The following LOC128125817 variants were observed in gnomAD, a reference collection of about 807,000 sequenced individuals.
the LOC128125817 span, among the ~76,000 whole-genome samples, chr1:41,612,928 C>T: frequency 6.6e-6 from 1 of 152,222 alleles, no homozygotes; most frequent in African/African-American, 2.4e-5. Flanking sequence ...TTCTTGTTTG[C>T]CACACAGAAA....
At chr1:41,592,705 G>A in the LOC128125817 span, among the ~76,000 whole-genome samples, 1 of 152,206 alleles carries the variant, frequency 6.6e-6, no homozygotes, top group Non-Finnish European at 1.5e-5. Flanking sequence ...TATAGTTGCT[G>A]ACACCAGGCA....
the LOC128125817 span, among the ~76,000 whole-genome samples, chr1:41,620,604 C>T: frequency 2.0e-4 from 31 of 152,172 alleles, no homozygotes; most frequent in Admixed American, 1.4e-3. Flanking sequence ...CACAGCTGCA[C>T]ACATCACCTG....
the LOC128125817 span, among the ~76,000 whole-genome samples, chr1:41,591,994 C>T: frequency 3.3e-5 from 5 of 152,142 alleles, no homozygotes; most frequent in South Asian, 2.1e-4. Context: ...TGCTGCCTGA[C>T]GCTGACTTGA....
the LOC128125817 span, among the ~76,000 whole-genome samples, chr1:41,588,612 T>C: frequency 6.6e-6 from 1 of 152,064 alleles, no homozygotes; most frequent in Non-Finnish European, 1.5e-5. Context: ...CCAGGGTCAG[T>C]GTCCAGCCTG....
the LOC128125817 span, among the ~76,000 whole-genome samples, chr1:41,614,942 A>G: frequency 6.6e-6 from 1 of 152,090 alleles, no homozygotes; most frequent in African/African-American, 2.4e-5. Flanking sequence ...CATCCTCCCA[A>G]TACTTCCGGG....
At chr1:41,623,461 T>G in the LOC128125817 span, among the ~76,000 whole-genome samples, 8 of 152,200 alleles carry the variant, frequency 5.3e-5, no homozygotes, top group Admixed American at 5.2e-4. Flanking sequence ...AATGAGGTCA[T>G]CCTTTTAAAA....
chr1:41,604,565 G>A, the LOC128125817 span, among the ~76,000 whole-genome samples: 1 of 152,160 alleles, frequency 6.6e-6, no homozygotes, highest in Non-Finnish European at 1.5e-5. Context: ...GCTTGCTGAG[G>A]AGACTTCATC....
chr1:41,596,496 T>C, the LOC128125817 span, among the ~76,000 whole-genome samples: 3 of 152,162 alleles, frequency 2.0e-5, no homozygotes, highest in African/African-American at 7.2e-5. Flanking sequence ...GCTTAACCAG[T>C]TCATCAGTGT....
the LOC128125817 span, among the ~76,000 whole-genome samples, chr1:41,609,347 A>G: frequency 1.3e-5 from 2 of 152,220 alleles, no homozygotes; most frequent in Admixed American, 6.5e-5. Flanking sequence ...GAGGGTAGGA[A>G]CAGCCAGCCC....
the LOC128125817 span, among the ~76,000 whole-genome samples, chr1:41,611,377 G>C: frequency 3.9e-5 from 6 of 152,140 alleles, no homozygotes; most frequent in Non-Finnish European, 5.9e-5. Flanking sequence ...GGAGCAACTG[G>C]GATAATCAAT....
At chr1:41,607,679 T>C in the LOC128125817 span, among the ~76,000 whole-genome samples, 19 of 152,226 alleles carry the variant, frequency 1.2e-4, no homozygotes, top group Admixed American at 1.0e-3. Flanking sequence ...TTATCCAATA[T>C]ATTTATGAAT....
chr1:41,592,549 G>C, the LOC128125817 span, among the ~76,000 whole-genome samples: 1 of 152,178 alleles, frequency 6.6e-6, no homozygotes, highest in Non-Finnish European at 1.5e-5. Context: ...TCCATCTAGT[G>C]ATACCTGCTA....
At chr1:41,598,467 T>C in the LOC128125817 span, among the ~76,000 whole-genome samples, 2 of 152,240 alleles carry the variant, frequency 1.3e-5, no homozygotes, top group East Asian at 3.8e-4. Context: ...GGAGACTGGG[T>C]GACATACAGA....
At chr1:41,625,127 C>T in the LOC128125817 span, among the ~76,000 whole-genome samples, 1 of 120,256 alleles carries the variant, frequency 8.3e-6, no homozygotes. Flanking sequence ...CATGCCATTG[C>T]ACTCCAGCCT....
chr1:41,615,397 C>T, the LOC128125817 span, among the ~76,000 whole-genome samples: 1 of 152,228 alleles, frequency 6.6e-6, no homozygotes, highest in African/African-American at 2.4e-5. Flanking sequence ...GAACCCTCAG[C>T]CTGGCTTCCC....
At chr1:41,596,488 T>A in the LOC128125817 span, among the ~76,000 whole-genome samples, 1 of 152,184 alleles carries the variant, frequency 6.6e-6, no homozygotes, top group Non-Finnish European at 1.5e-5. Context: ...GGCCTGTGGC[T>A]TAACCAGTTC....
the LOC128125817 span, among the ~76,000 whole-genome samples, chr1:41,587,752 C>T: frequency 7.2e-5 from 11 of 152,290 alleles, no homozygotes; most frequent in South Asian, 4.1e-4. Flanking sequence ...GAAAATCACA[C>T]GGGAATGGTG....
the LOC128125817 span, among the ~76,000 whole-genome samples, chr1:41,619,522 T>C: frequency 6.6e-6 from 1 of 152,346 alleles, no homozygotes; most frequent in South Asian, 2.1e-4. Context: ...GCAGGTGTTT[T>C]GTGCTTTGTC....
chr1:41,593,004 C>T, the LOC128125817 span, among the ~76,000 whole-genome samples: 15 of 152,204 alleles, frequency 9.9e-5, no homozygotes, highest in Non-Finnish European at 2.2e-4. Flanking sequence ...TGTCATCAAT[C>T]CCCAAATCTG....
Sources: allele counts gnomAD v4.1 joint callset (sites outside exome capture counted in the v4.1 genomes callset), GRCh38; gene constraint gnomAD v4.1.1; transcripts MANE v1.5.